The following TTYH2 variants were observed in gnomAD, a reference collection of about 807,000 sequenced individuals.
The protein encoded by TTYH2 is protein tweety homolog 2.
A neutral mutation model predicts 68.3 loss-of-function variants in TTYH2; 49 were observed. The ratio of observed to expected loss-of-function variants is 0.72; its 90% confidence interval spans 0.57 to 0.91. The LOEUF is 0.91. Among genes scored for constraint, TTYH2 ranks in the 40% least tolerant of loss-of-function variants. The pLI is 0.00. For missense variants in TTYH2, 631 were observed against 700.4 expected, an observed-to-expected ratio of 0.90 and a Z score of 1.12; for synonymous variants, 272 against 300.8, an observed-to-expected ratio of 0.90 and a Z score of 0.99.
At chr17:74,231,623 G>A (rs1051583070) in intron 3 of TTYH2, among the ~76,000 whole-genome samples, 2 of 151,924 alleles carry the variant, frequency 1.3e-5, no homozygotes, top group African/African-American at 2.4e-5. Context: ...GTTGCAGTGA[G>A]CCAAGATCAC....
chr17:74,254,178 T>G (rs1325466523), intron 13 of TTYH2, among the ~76,000 whole-genome samples: 1 of 123,242 alleles, frequency 8.1e-6, no homozygotes, highest in African/African-American at 3.4e-5. Flanking sequence ...TTTATTTATT[T>G]ATTTATTTAT....
rs201090591 is a variant in TTYH2 at position 74,249,353 on chromosome 17, G to A, written c.884G>A (p.Arg295His). 3.7e-6 allele frequency: 6 copies of A among 1,614,104 alleles called. No homozygotes were observed. The highest frequency in any genetic ancestry group is 2.2e-5 in the East Asian group (1 of 44,884). ...TEGQISTEVTRYYLYCSQSGS... is the reference protein window; with the variant it reads ...TEGQISTEVTHYYLYCSQSGS... ...TGCCGTTGCCCTGCAGAGGTGACTC[G>A]CTACTACCTGTATTGCAGCCAGAGT... Residue 295 changes from arginine to histidine, a missense_variant, in exon 8 of 14, where the codon CGC becomes CAC. Physicochemically the swap from Arg to His is conservative, Grantham distance 29. Transcript: ENST00000269346.
At chr17:74,238,302 G>A (rs1474540024) in intron 4 of TTYH2, among the ~76,000 whole-genome samples, 1 of 152,234 alleles carries the variant, frequency 6.6e-6, no homozygotes, top group Non-Finnish European at 1.5e-5. Context: ...TTGCCATCAG[G>A]GGAGGCTCTG....
At chr17:74,228,028 G>C (rs2050349667) in intron 2 of TTYH2, among the ~76,000 whole-genome samples, 1 of 138,274 alleles carries the variant, frequency 7.2e-6, no homozygotes, top group Non-Finnish European at 1.5e-5. Flanking sequence ...CTGTCTCCCA[G>C]GCTGGAGTGA....
intron 3 of TTYH2, among the ~76,000 whole-genome samples, chr17:74,233,971 C>T (rs1485643479): frequency 6.6e-6 from 1 of 152,146 alleles, no homozygotes; most frequent in Non-Finnish European, 1.5e-5. Context: ...GAGCAGAAAC[C>T]AGAACCCAGG....
chr17:74,228,051 G>A (rs1013538220), intron 2 of TTYH2, among the ~76,000 whole-genome samples: 7 of 142,118 alleles, frequency 4.9e-5, no homozygotes, highest in African/African-American at 8.5e-5. Flanking sequence ...TGGTGCAATC[G>A]TTGCTCCCTG....
intron 5 of TTYH2, among the ~76,000 whole-genome samples, 181 bp from the exon 6 acceptor site, chr17:74,243,796 T>C (rs552355824): frequency 6.6e-6 from 1 of 152,262 alleles, no homozygotes; most frequent in Admixed American, 6.5e-5. Flanking sequence ...CGCCTGGGTC[T>C]CTTTAGCCTC....
rs200441222 is a variant in TTYH2 at position 74,249,427 on chromosome 17, C to A, written c.930+28C>A. 5.8e-4 allele frequency: 933 copies of A among 1,612,118 alleles called. 3 individuals are homozygous for A. The highest frequency in any genetic ancestry group is 4.6e-3 in the African/African-American group (343 of 75,026). ...ATGGCCCCCCGAGGCCTGCCCTCAC[C>A]CTGCCCACAGCCGCTCCCCCTTGAC... On this transcript the variant is annotated intron_variant, in intron 8 of 13. Transcript: ENST00000269346.
At chr17:74,219,962 ATT>A (rs535589474) in intron 1 of TTYH2, among the ~76,000 whole-genome samples, 2,591 of 135,700 alleles carry the variant, frequency 0.019, 84 homozygotes, top group African/African-American at 0.066. Flanking sequence ...ATGATTTGCA[ATT>A]TTTTTTTTTT....
Position 74,260,187 on chromosome 17 carries a change from A to T in TTYH2, c.1583A>T (p.Tyr528Phe), listed in dbSNP as rs762630099. Residue 528 changes from tyrosine (Y) to phenylalanine (F), a missense_variant, in exon 14 of 14, where the codon TAC becomes TTC. Physicochemically the swap from Tyr to Phe is conservative, Grantham distance 22. Transcript: ENST00000269346. ...LSVADEHLRH[Y>F]GNQFPA ...GTGGCGGATGAGCACCTGAGGCACT[A>T]CGGGAATCAGTTTCCAGCCTAACAG... is the stretch of plus-strand genomic sequence containing the variant. 16 of 1,613,934 alleles carry T rather than the reference A, an allele frequency of 9.9e-6. No individual in the cohort carries two copies. The highest frequency in any genetic ancestry group is 1.2e-5 in the Non-Finnish European group (14 of 1,179,906).
At chr17:74,246,253 G>C (rs2050556639) in intron 6 of TTYH2, among the ~76,000 whole-genome samples, 1 of 152,126 alleles carries the variant, frequency 6.6e-6, no homozygotes, top group Non-Finnish European at 1.5e-5. Flanking sequence ...GAGGGTGGGA[G>C]TGTGGCCTCT....
In TTYH2 at chr17:74,213,711, CAGGA is replaced by C; in HGVS notation, c.125_128del (p.Gln42ArgfsTer16). ...CTTCAGCCCCGGCGACGAGAGTTAC[CAGGA>C]GGTAAGTTTACGCCGCCCCAGACCG... On this transcript the variant is annotated frameshift_variant and splice_region_variant, in exon 1 of 14. Coordinates refer to ENST00000269346, the MANE Select transcript of TTYH2 (RefSeq NM_032646.6). LOFTEE classifies it high-confidence loss of function. This position sits in a 1 kb window ranked among gnomAD's most constrained non-coding sequence, Gnocchi z 6.1. 6.2e-7 allele frequency: 1 copy of C among 1,611,448 alleles called. No homozygotes were observed. The highest frequency in any genetic ancestry group is 8.5e-7 in the Non-Finnish European group (1 of 1,178,916).
intron 1 of TTYH2, among the ~76,000 whole-genome samples, chr17:74,221,024 G>A (rs2050270592): frequency 2.0e-5 from 3 of 152,136 alleles, no homozygotes; most frequent in Admixed American, 2.0e-4. Flanking sequence ...GAACTCCTGG[G>A]CTCGAGCAAT....
chr17:74,258,176 G>A (rs1399733739), intron 13 of TTYH2, among the ~76,000 whole-genome samples: 1 of 152,042 alleles, frequency 6.6e-6, no homozygotes, highest in Non-Finnish European at 1.5e-5. Flanking sequence ...AAAGAAGAAG[G>A]AGGGTCTCAT....
Position 74,231,001 on chromosome 17 carries a change from T to C in TTYH2, c.414+2T>C. The C allele has an allele frequency of 1.2e-6, 2 of 1,613,534 alleles. No homozygotes were observed. The highest frequency in any genetic ancestry group is 1.7e-6 in the Non-Finnish European group (2 of 1,179,738). On this transcript the variant is annotated splice_donor_variant, in intron 3 of 13. Transcript: ENST00000269346. LOFTEE classifies it high-confidence loss of function. The stretch of plus-strand genomic sequence containing the variant: ...ACCTTCTCTGGGATCGATGCTCTGG[T>C]AAGGCTCCCGGGCAGCTGGCCGGGT...
Position 74,217,595 on chromosome 17 carries a change from G to A in TTYH2, c.129+3879G>A, listed in dbSNP as rs916930201. 1.3e-4 allele frequency among the ~76,000 whole-genome samples: 20 copies of A among 152,154 alleles called. No homozygotes were observed. Among genetic ancestry groups the A allele is most frequent in the Non-Finnish European group, 7.4e-5 (5 of 68,018 alleles). On this transcript the variant is annotated intron_variant, in intron 1 of 13. Transcript: ENST00000269346. This position sits in a 1 kb window ranked among gnomAD's most constrained non-coding sequence, Gnocchi z 4.0. ...GTCACGGTCATCAGACAGTCATGCC[G>A]CGCCTGGGAGAGGGCTTAATCTTTC...
At position 74,215,481 on chromosome 17, in the gene TTYH2, C is replaced by T; in HGVS notation, c.129+1765C>T. The T allele has an allele frequency of 1.4e-6, 1 of 705,222 alleles. No homozygotes were observed. Among genetic ancestry groups the T allele is most frequent in the Non-Finnish European group, 2.3e-6 (1 of 429,600 alleles). 43.7% of individuals were successfully genotyped at this position (705,222 alleles called of 1,614,324 possible). A position where few individuals can be genotyped will look rare whatever the true frequency, so the allele number is the denominator to read the frequency against. On this transcript the variant is annotated intron_variant, in intron 1 of 13. Transcript: ENST00000269346. This position sits in a 1 kb window ranked among gnomAD's most constrained non-coding sequence, Gnocchi z 4.3. Reference sequence around the variant, plus strand: ...ATGAACCTACCTCCAGCCTCTGCCCCTCCTCCCAGGATTCTGGCCCCGGCT... The same window carrying T: ...ATGAACCTACCTCCAGCCTCTGCCCTTCCTCCCAGGATTCTGGCCCCGGCT...
Position 74,241,710 on chromosome 17 carries a change from C to T in TTYH2, c.636-1664C>T, listed in dbSNP as rs1053376565. ...ACCATTGCTGGAGAGGAGAGGTCAG[C>T]GACTTTACTTGGCTCTTGCAGCAAG... On this transcript the variant is annotated intron_variant, in intron 4 of 13. Transcript: ENST00000269346. This position sits in a 1 kb window ranked among gnomAD's most constrained non-coding sequence, Gnocchi z 4.1. 6.6e-6 allele frequency among the ~76,000 whole-genome samples: 1 copy of T among 152,312 alleles called. No homozygotes were observed. Among genetic ancestry groups the T allele is most frequent in the East Asian group, 1.9e-4 (1 of 5,174 alleles).
chr17:74,237,220 G>T, intron 3 of TTYH2, 74 bp from the exon 4 acceptor site: 2 of 1,487,252 alleles, frequency 1.3e-6, no homozygotes, highest in Non-Finnish European at 1.9e-6. Context: ...ACCTTCTGCT[G>T]CCTGCAAAGA....
Sources: gnomAD v4.1 joint callset for allele counts (sites outside exome capture counted in the v4.1 genomes callset) on GRCh38, gnomAD v4.1.1 for gene constraint, Gnocchi (gnomAD v3.1) non-coding constraint, MANE v1.5 for transcripts, NCBI Gene and HGNC (gene_info 2026-07-23, HGNC 2026-07-21) for gene names.